The following CSMD1 variants were observed in gnomAD, a reference collection of about 807,000 sequenced individuals.
CSMD1 encodes the protein CUB and sushi domain-containing protein 1.
In CSMD1, 213 loss-of-function variants were observed where a neutral mutation model predicts 417.5. The ratio of observed to expected loss-of-function variants is 0.51; its 90% confidence interval spans 0.46 to 0.57. The LOEUF is 0.57. Among genes scored for constraint, CSMD1 ranks in the 20% least tolerant of loss-of-function variants. The pLI is 0.00. For missense variants in CSMD1, 6,923 were observed against 4,529.7 expected, an observed-to-expected ratio of 1.53 and a Z score of -15.17; for synonymous variants, 2,862 against 1,736.8, an observed-to-expected ratio of 1.65 and a Z score of -16.11.
chr8:4,120,602 G>C (rs1488989733), intron 3 of CSMD1, among the ~76,000 whole-genome samples: 5 of 152,158 alleles, frequency 3.3e-5, no homozygotes, highest in Non-Finnish European at 7.3e-5. Context: ...CACACTTTTG[G>C]GTGCCAAATA....
At chr8:4,091,718 C>CT (rs1252313011) in intron 3 of CSMD1, among the ~76,000 whole-genome samples, 1 of 152,188 alleles carries the variant, frequency 6.6e-6, no homozygotes, top group African/African-American at 2.4e-5. Flanking sequence ...AGGCACAAGC[C>CT]TCGCTTGGTG....
chr8:4,041,008 T>C (rs12114493), intron 3 of CSMD1, among the ~76,000 whole-genome samples: 1,697 of 76,568 alleles, frequency 0.022, 19 homozygotes, highest in Non-Finnish European at 0.03. Flanking sequence ...TTCTTTCTTT[T>C]TTTTTTTCCT....
intron 12 of CSMD1, 21 bp from the exon 13 acceptor site, chr8:3,409,626 G>C (rs1450102292): frequency 6.5e-7 from 1 of 1,536,030 alleles, no homozygotes; most frequent in Non-Finnish European, 8.8e-7. Flanking sequence ...AAAAACAAAT[G>C]AACCCTTAAA....
At chr8:4,576,162 C>G (rs933731695) in intron 2 of CSMD1, among the ~76,000 whole-genome samples, 1 of 152,216 alleles carries the variant, frequency 6.6e-6, no homozygotes, top group African/African-American at 2.4e-5. Context: ...GCAGGACTGT[C>G]GAGTTATGTG....
At chr8:4,574,621 G>A (rs1019747696) in intron 2 of CSMD1, among the ~76,000 whole-genome samples, 2 of 152,156 alleles carry the variant, frequency 1.3e-5, no homozygotes, top group Non-Finnish European at 2.9e-5. Flanking sequence ...ATGTGTCCAT[G>A]AATACATTAA....
chr8:4,882,595 G>C (rs985088077), intron 1 of CSMD1, among the ~76,000 whole-genome samples: 1 of 151,902 alleles, frequency 6.6e-6, no homozygotes, highest in Non-Finnish European at 1.5e-5. Flanking sequence ...CCCAAGCATA[G>C]AGAAAGATGC....
At chr8:3,583,229 T>A (rs1344467410) in intron 9 of CSMD1, among the ~76,000 whole-genome samples, 2 of 152,006 alleles carry the variant, frequency 1.3e-5, no homozygotes, top group African/African-American at 4.8e-5. Context: ...CTAGTGGATT[T>A]GCTTCTCTGC....
intron 49 of CSMD1, among the ~76,000 whole-genome samples, chr8:3,085,755 A>T (rs1452418644): frequency 6.6e-6 from 1 of 152,198 alleles, no homozygotes; most frequent in African/African-American, 2.4e-5. Context: ...ATTCACTGAA[A>T]GGGTAAGCCA....
At chr8:3,814,704 C>G (rs914634364) in intron 5 of CSMD1, among the ~76,000 whole-genome samples, 2 of 152,124 alleles carry the variant, frequency 1.3e-5, no homozygotes, top group Non-Finnish European at 2.9e-5. Context: ...CTCTGGTGAT[C>G]GCTGATTCTG....
At chr8:3,899,291 A>G (rs1807571607) in intron 5 of CSMD1, among the ~76,000 whole-genome samples, 1 of 152,202 alleles carries the variant, frequency 6.6e-6, no homozygotes, top group Non-Finnish European at 1.5e-5. Context: ...AAGAAATGGC[A>G]CTTTCAAGTA....
chr8:4,487,878 A>G (rs1380068378), intron 2 of CSMD1, among the ~76,000 whole-genome samples: 1 of 152,212 alleles, frequency 6.6e-6, no homozygotes, highest in Non-Finnish European at 1.5e-5. Context: ...GACACTTAAG[A>G]TTGGGAGGGA....
chr8:3,718,296 AT>A (rs35245879), intron 6 of CSMD1, among the ~76,000 whole-genome samples: 10 of 151,750 alleles, frequency 6.6e-5, no homozygotes, highest in South Asian at 2.1e-4. Context: ...GCATTCCTGC[AT>A]TTTTTTTATT....
rs1798237446 is a variant in CSMD1 at position 4,179,516 on chromosome 8, G to A, written c.416-147417C>T. ...GCATTACCATTCAGGACGTAGGCAT[G>A]GGCAAAGACTTCATGTCTAAAACAC... On this transcript the variant is annotated intron_variant, in intron 3 of 69. Coordinates refer to ENST00000635120, the MANE Select transcript of CSMD1 (RefSeq NM_033225.6). Among the ~76,000 whole-genome samples the A allele has an allele frequency of 1.3e-5, 2 of 150,350 alleles. 1 individual carries two copies. The highest frequency in any genetic ancestry group is 4.3e-4 in the South Asian group (2 of 4,604).
At chr8:3,788,848 G>C (rs1407874680) in intron 5 of CSMD1, among the ~76,000 whole-genome samples, 2 of 152,066 alleles carry the variant, frequency 1.3e-5, no homozygotes, top group Non-Finnish European at 2.9e-5. Context: ...TAACATTCTG[G>C]GGTAGAAATT....
chr8:3,144,243 C>T (rs1048899994), intron 40 of CSMD1, among the ~76,000 whole-genome samples: 1 of 151,688 alleles, frequency 6.6e-6, no homozygotes, highest in Non-Finnish European at 1.5e-5. Flanking sequence ...TAACCCCGCA[C>T]TAACGGACAA....
intron 5 of CSMD1, among the ~76,000 whole-genome samples, chr8:3,887,218 A>C (rs1229856513): frequency 6.6e-6 from 1 of 152,118 alleles, no homozygotes; most frequent in African/African-American, 2.4e-5. Context: ...TCAACAAGGA[A>C]CATCTTAGCC....
At chr8:3,337,464 T>A (rs568742210) in intron 23 of CSMD1, among the ~76,000 whole-genome samples, 8 of 152,292 alleles carry the variant, frequency 5.3e-5, no homozygotes, top group African/African-American at 1.9e-4. Flanking sequence ...TTTATTTTGA[T>A]GGCTTCAAAG....
intron 2 of CSMD1, among the ~76,000 whole-genome samples, chr8:4,446,874 G>C (rs1046812123): frequency 7.9e-5 from 12 of 151,290 alleles, no homozygotes; most frequent in African/African-American, 2.4e-4. Flanking sequence ...ACCCGCCTTG[G>C]CCTCCCAATG....
chr8:4,230,003 G>C (rs1171798723), intron 3 of CSMD1, among the ~76,000 whole-genome samples: 2 of 152,260 alleles, frequency 1.3e-5, no homozygotes, highest in East Asian at 3.9e-4. Flanking sequence ...TGTAATAAAT[G>C]CATATGATTT....
Sources: allele counts gnomAD v4.1 joint callset (sites outside exome capture counted in the v4.1 genomes callset), GRCh38; gene constraint gnomAD v4.1.1; transcripts MANE v1.5; gene names NCBI Gene and HGNC (gene_info 2026-07-23, HGNC 2026-07-21).